FAM81B: variants seen among roughly 807,000 people sequenced by gnomAD.
FAM81B encodes the protein family with sequence similarity 81 member B.
Under a neutral mutation model 58.7 loss-of-function variants are expected in FAM81B, and 60 were observed. The ratio of observed to expected loss-of-function variants is 1.02; its 90% CI spans 0.83 to 1.27. FAM81B has a LOEUF of 1.27. FAM81B is among the 50% of genes most tolerant of loss of function. The pLI is 0.00. For synonymous variants in FAM81B, 189 were observed against 179.6 expected, an observed-to-expected ratio of 1.05 and a Z score of -0.42; for missense variants, 491 against 522.0, an observed-to-expected ratio of 0.94 and a Z score of 0.58.
At chr5:95,441,788 T>G (rs898043032) in intron 7 of FAM81B, among the ~76,000 whole-genome samples, 3 of 152,154 alleles carry the variant, frequency 2.0e-5, no homozygotes, top group Non-Finnish European at 2.9e-5. Flanking sequence ...ACTGAACCCC[T>G]CCACTGTGCC....
chr5:95,419,350 C>T (rs1762618301), intron 4 of FAM81B, among the ~76,000 whole-genome samples: 1 of 152,086 alleles, frequency 6.6e-6, no homozygotes, highest in Admixed American at 6.6e-5. Flanking sequence ...AAATATAATA[C>T]TTAAACTGGA....
chr5:95,397,542 G>A (rs962697727), intron 3 of FAM81B, among the ~76,000 whole-genome samples: 1 of 152,128 alleles, frequency 6.6e-6, no homozygotes, highest in Non-Finnish European at 1.5e-5. Context: ...AGCTCAAGCT[G>A]GTGATGTACA....
intron 5 of FAM81B, among the ~76,000 whole-genome samples, chr5:95,422,283 G>T (rs1275982529): frequency 6.7e-6 from 1 of 149,862 alleles, no homozygotes; most frequent in Non-Finnish European, 1.5e-5. Context: ...GAATAAACAG[G>T]TGAATTTATA....
intron 5 of FAM81B, among the ~76,000 whole-genome samples, chr5:95,425,017 A>C (rs146322058): frequency 6.6e-6 from 1 of 152,102 alleles, no homozygotes; most frequent in East Asian, 1.9e-4. Context: ...AATGAGTTAT[A>C]AAAAGTAAAA....
chr5:95,421,687 G>A (rs906946088), intron 5 of FAM81B, among the ~76,000 whole-genome samples: 1 of 152,180 alleles, frequency 6.6e-6, no homozygotes, highest in Non-Finnish European at 1.5e-5. Context: ...ACAAAAAAAG[G>A]TTGTGGAGAT....
Position 95,450,137 on chromosome 5 carries a change from A to G in FAM81B, c.1226-12A>G. On this transcript the variant is annotated splice_polypyrimidine_tract_variant and intron_variant, in intron 9 of 9. Transcript: ENST00000283357. ...ATTGTTTAAGTGTACCTATTCTTTT[A>G]CCCTCTTACAGGATTTAAATCAATT... 1 of 1,600,186 alleles carries G rather than the reference A, an allele frequency of 6.2e-7. No individual in the cohort carries two copies.
chr5:95,416,840 G>A (rs1303516051), intron 4 of FAM81B, among the ~76,000 whole-genome samples: 2 of 152,100 alleles, frequency 1.3e-5, no homozygotes, highest in African/African-American at 4.8e-5. Flanking sequence ...CCAGGAGTTT[G>A]AGAACAGCCT....
chr5:95,449,506 G>C (rs1488412346), intron 9 of FAM81B, among the ~76,000 whole-genome samples: 2 of 152,164 alleles, frequency 1.3e-5, no homozygotes, highest in Non-Finnish European at 2.9e-5. Context: ...TTTTACTAAT[G>C]AGGAGGAGTT....
intron 7 of FAM81B, among the ~76,000 whole-genome samples, chr5:95,438,896 AATATAAGT>A (rs1312988937): frequency 6.6e-6 from 1 of 151,438 alleles, no homozygotes; most frequent in African/African-American, 2.4e-5. Context: ...CCTCCTTGTT[AATATAAGT>A]ATATAACAGA....
chr5:95,427,871 G>T (rs1422987307), intron 5 of FAM81B, among the ~76,000 whole-genome samples: 1 of 152,010 alleles, frequency 6.6e-6, no homozygotes, highest in African/African-American at 2.4e-5. Flanking sequence ...CAGTTGTGGG[G>T]GTGTGGTTCT....
intron 3 of FAM81B, among the ~76,000 whole-genome samples, chr5:95,413,420 C>A (rs1324914395): frequency 6.6e-6 from 1 of 152,108 alleles, no homozygotes; most frequent in East Asian, 1.9e-4. Flanking sequence ...ATTTCCTTAA[C>A]TATGAAATTA....
At chr5:95,440,238 G>T in intron 7 of FAM81B, 1 of 698,758 alleles carries the variant, frequency 1.4e-6, no homozygotes, top group South Asian at 1.4e-5. Context: ...TGTGAGGCTT[G>T]AATATGGAGA....
At chr5:95,430,383 G>A (rs866904683) in intron 6 of FAM81B, among the ~76,000 whole-genome samples, 89 of 147,536 alleles carry the variant, frequency 6.0e-4, no homozygotes, top group African/African-American at 2.2e-3. Flanking sequence ...CAAAAATAGT[G>A]TATATATATA....
intron 8 of FAM81B, 48 bp downstream of exon 8, chr5:95,446,745 T>C (rs771966918): frequency 1.9e-6 from 3 of 1,593,204 alleles, no homozygotes; most frequent in Non-Finnish European, 2.6e-6. Flanking sequence ...ATAGTCCTTG[T>C]TAGCAGTGAG....
chr5:95,433,534 G>A (rs1291198169), intron 6 of FAM81B, among the ~76,000 whole-genome samples: 1 of 152,102 alleles, frequency 6.6e-6, no homozygotes, highest in Non-Finnish European at 1.5e-5. Context: ...CTGAGTTAAG[G>A]ACTTTTTGTT....
chr5:95,446,402 G>C (rs922916920), intron 7 of FAM81B, among the ~76,000 whole-genome samples, 160 bp from the exon 8 acceptor site: 1 of 152,136 alleles, frequency 6.6e-6, no homozygotes, highest in African/African-American at 2.4e-5. Context: ...CAGGAACCCA[G>C]AGTGTACTTA....
At chr5:95,439,905 G>C (rs1745264417) in intron 7 of FAM81B, 2 of 232,070 alleles carry the variant, frequency 8.6e-6, no homozygotes, top group African/African-American at 4.6e-5. Flanking sequence ...TGTAGTCCCA[G>C]CTACCCAGGA....
intron 5 of FAM81B, among the ~76,000 whole-genome samples, chr5:95,425,046 A>C (rs1357342610): frequency 6.6e-6 from 1 of 152,090 alleles, no homozygotes; most frequent in Non-Finnish European, 1.5e-5. Context: ...AAACCACACC[A>C]AATGAAAAGA....
intron 9 of FAM81B, among the ~76,000 whole-genome samples, chr5:95,449,776 T>C (rs1447150189): frequency 6.6e-6 from 1 of 152,234 alleles, no homozygotes; most frequent in African/African-American, 2.4e-5. Flanking sequence ...AAATCTCATC[T>C]GTGATCTTTA....
Sources: gnomAD v4.1 joint callset for allele counts (sites outside exome capture counted in the v4.1 genomes callset) on GRCh38, gnomAD v4.1.1 for gene constraint, MANE v1.5 for transcripts, NCBI Gene and HGNC (gene_info 2026-07-23, HGNC 2026-07-21) for gene names.